The following PPP2R2C variants were observed in gnomAD, a reference collection of about 807,000 sequenced individuals.
PPP2R2C encodes protein phosphatase 2 regulatory subunit Bgamma.
Under a neutral mutation model 45.3 loss-of-function variants are expected in PPP2R2C, and 10 were observed. The ratio of observed to expected loss-of-function variants is 0.22; its 90% CI spans 0.14 to 0.37. The LOEUF (loss-of-function observed/expected upper bound fraction) is 0.37, where lower values mean the gene tolerates loss of function less well. Among genes scored for constraint, PPP2R2C ranks in the 10% least tolerant of loss-of-function variants. The pLI is 1.00. For synonymous variants in PPP2R2C, 257 were observed against 245.4 expected, an observed-to-expected ratio of 1.05 and a Z score of -0.44; for missense variants, 308 against 619.7, an observed-to-expected ratio of 0.50 and a Z score of 5.34.
chr4:6,398,813 C>T (rs1256051877), intron 1 of PPP2R2C, among the ~76,000 whole-genome samples: 8 of 152,168 alleles, frequency 5.3e-5, no homozygotes, highest in Non-Finnish European at 1.0e-4. Flanking sequence ...CAGCTTTCTG[C>T]ACAGTAGCTC....
chr4:6,551,461 T>C (rs1577254221), intron 1 of PPP2R2C, among the ~76,000 whole-genome samples: 1 of 152,244 alleles, frequency 6.6e-6, no homozygotes, highest in Non-Finnish European at 1.5e-5. Context: ...TGTTGTGGTA[T>C]GGCCACAAGT....
chr4:6,404,695 G>A (rs6825304), intron 1 of PPP2R2C, among the ~76,000 whole-genome samples: 29,474 of 152,088 alleles, frequency 0.19, 3,223 homozygotes, highest in South Asian at 0.29. Context: ...TCCAAGGGGG[G>A]TTCTAAGGAG....
intron 1 of PPP2R2C, among the ~76,000 whole-genome samples, chr4:6,439,580 G>A (rs900255534): frequency 1.3e-5 from 2 of 152,128 alleles, no homozygotes; most frequent in African/African-American, 4.8e-5. Context: ...GCCAGGCCCT[G>A]GGAGCAGCCC....
Position 6,378,480 on chromosome 4 carries a change from C to A in PPP2R2C, c.261G>T (p.Glu87Asp). 1.9e-6 allele frequency: 3 copies of A among 1,614,184 alleles called. No homozygotes were observed. Among genetic ancestry groups the A allele is most frequent in the Non-Finnish European group, 2.5e-6 (3 of 1,180,054 alleles). The change falls in exon 3 of 9, where the codon GAG becomes GAT. Residue 87 changes from glutamate to aspartate, a missense_variant. By Grantham distance (45) the Glu-to-Asp change is conservative. Transcript: ENST00000382599. This position sits in a 1 kb window ranked among gnomAD's most constrained non-coding sequence, Gnocchi z 5.2. The part of the protein sequence containing the change: ...EPEFDYLKSL[E>D]IEEKINKIKW... Reference sequence around the variant, plus strand: ...TGATCTTGTTGATCTTCTCCTCTATCTCCAGGCTCTTGAGATAGTCAAACT... The same window carrying A: ...TGATCTTGTTGATCTTCTCCTCTATATCCAGGCTCTTGAGATAGTCAAACT...
chr4:6,483,638 C>T (rs1478716181), intron 2 of PPP2R2C, among the ~76,000 whole-genome samples: 1 of 152,004 alleles, frequency 6.6e-6, no homozygotes, highest in Non-Finnish European at 1.5e-5. Flanking sequence ...TGCCTTCTTA[C>T]TATTGAGTTT....
At chr4:6,348,559 T>G (rs967349710) in intron 5 of PPP2R2C, 2 of 839,634 alleles carry the variant, frequency 2.4e-6, no homozygotes, top group African/African-American at 3.7e-5. Flanking sequence ...AGTATGGAGA[T>G]TCTCCTTTGG....
At chr4:6,333,356 A>G (rs964258826) in intron 7 of PPP2R2C, among the ~76,000 whole-genome samples, 1 of 152,224 alleles carries the variant, frequency 6.6e-6, no homozygotes, top group Non-Finnish European at 1.5e-5. Flanking sequence ...AGGGACATCC[A>G]AAGCTCCCTG....
Position 6,439,734 on chromosome 4 carries a change from ACTT to A in PPP2R2C, c.70+32423_70+32425del, listed in dbSNP as rs1187317817. 2.0e-5 allele frequency among the ~76,000 whole-genome samples: 3 copies of A among 152,042 alleles called. No individual in the cohort carries two copies. In the East Asian group the frequency reaches 5.8e-4, roughly 29 times the overall value. ...AACCACATCACACTCAGACATACAT[ACTT>A]CTCTGTTGAATGGCTGTATTTTCAG... On this transcript the variant is annotated intron_variant, in intron 1 of 8. Transcript: ENST00000382599.
intron 1 of PPP2R2C, among the ~76,000 whole-genome samples, chr4:6,449,374 C>T (rs762232237): frequency 2.0e-5 from 3 of 152,240 alleles, no homozygotes; most frequent in Non-Finnish European, 4.4e-5. Context: ...GAGAACTGCA[C>T]TTTCACAGTG....
chr4:6,537,333 C>T (rs1724660534), intron 1 of PPP2R2C, among the ~76,000 whole-genome samples: 1 of 152,140 alleles, frequency 6.6e-6, no homozygotes, highest in Non-Finnish European at 1.5e-5. Context: ...CAGGCGATTA[C>T]ATGGGGAATG....
chr4:6,486,841 G>T (rs141295276), intron 2 of PPP2R2C, among the ~76,000 whole-genome samples: 1 of 152,132 alleles, frequency 6.6e-6, no homozygotes, highest in East Asian at 1.9e-4. Flanking sequence ...GCTGCTCAAA[G>T]TGATTATTGG....
intron 5 of PPP2R2C, 83 bp from the exon 6 acceptor site, chr4:6,348,093 G>C (rs554854587): frequency 5.3e-6 from 8 of 1,507,972 alleles, no homozygotes; most frequent in Non-Finnish European, 7.3e-6. Flanking sequence ...CACCTCTCCC[G>C]AGGCAAAACC....
intron 1 of PPP2R2C, among the ~76,000 whole-genome samples, chr4:6,406,689 G>A (rs1047207140): frequency 2.0e-4 from 31 of 152,032 alleles, no homozygotes; most frequent in East Asian, 5.8e-4. Context: ...CCTGGGAGGC[G>A]GAGGCTGCAG....
At chr4:6,497,462 C>G (rs887687083) in intron 2 of PPP2R2C, among the ~76,000 whole-genome samples, 1 of 151,738 alleles carries the variant, frequency 6.6e-6, no homozygotes, top group African/African-American at 2.4e-5. Context: ...AGATTGTTTT[C>G]CTTTTGGAAA....
At chr4:6,382,185 G>C in intron 1 of PPP2R2C, 1 of 1,198,576 alleles carries the variant, frequency 8.3e-7, no homozygotes, top group South Asian at 1.6e-5. Context: ...AAGATGGAAA[G>C]TTCTAGAATA....
Position 6,328,333 on chromosome 4 carries a change from T to A in PPP2R2C, c.1052+929A>T, listed in dbSNP as rs1351110040. On this transcript the variant is annotated intron_variant, in intron 8 of 8. Transcript: ENST00000382599. This position sits in a 1 kb window ranked among gnomAD's most constrained non-coding sequence, Gnocchi z 4.4. ...TCATCTGGAGACCCACTTCTGAATC[T>A]GGGCGGCTGGACAAAGAGGCATCCT... Among the ~76,000 whole-genome samples, 4 of 152,158 alleles carry A rather than the reference T, an allele frequency of 2.6e-5. No homozygotes were observed. The highest frequency in any genetic ancestry group is 5.9e-5 in the Non-Finnish European group (4 of 68,012).
intron 2 of PPP2R2C, among the ~76,000 whole-genome samples, chr4:6,502,547 T>C (rs1302869038): frequency 2.6e-5 from 4 of 151,256 alleles, no homozygotes; most frequent in African/African-American, 9.7e-5. Context: ...CCTTCCTTCC[T>C]TCCTTTTTCC....
chr4:6,509,155 C>T (rs1723342026), intron 2 of PPP2R2C, among the ~76,000 whole-genome samples: 1 of 152,196 alleles, frequency 6.6e-6, no homozygotes, highest in African/African-American at 2.4e-5. Flanking sequence ...GTGTTTAAAA[C>T]AGCTTGAACT....
chr4:6,327,102 G>T (rs1299428289), intron 8 of PPP2R2C, among the ~76,000 whole-genome samples: 1 of 152,170 alleles, frequency 6.6e-6, no homozygotes, highest in African/African-American at 2.4e-5. Context: ...CTGGGAGGTG[G>T]CACACCTCTA....
Sources: allele counts gnomAD v4.1 joint callset (sites outside exome capture counted in the v4.1 genomes callset), GRCh38; gene constraint gnomAD v4.1.1; non-coding constraint Gnocchi (gnomAD v3.1); transcripts MANE v1.5; gene names NCBI Gene and HGNC (gene_info 2026-07-23, HGNC 2026-07-21).